WDR36: variants seen among roughly 807,000 people sequenced by gnomAD.
The protein encoded by WDR36 is WD repeat-containing protein 36.
Under a neutral mutation model 112.7 loss-of-function variants are expected in WDR36, and 63 were observed. That is an observed-to-expected ratio of 0.56 (90% CI 0.46 to 0.69). The LOEUF (loss-of-function observed/expected upper bound fraction) is 0.69. WDR36 is among the 30% of genes least tolerant of loss of function. The pLI, the probability that WDR36 is intolerant of heterozygous loss-of-function variation, is 0.00. For missense variants in WDR36, 1,226 were observed against 1,070.3 expected, an observed-to-expected ratio of 1.15 and a Z score of -2.03; for synonymous variants, 410 against 362.2, an observed-to-expected ratio of 1.13 and a Z score of -1.50.
intron 12 of WDR36, 121 bp downstream of exon 12, chr5:111,107,560 T>C (rs1753244450): frequency 6.7e-6 from 9 of 1,346,238 alleles, no homozygotes; most frequent in Non-Finnish European, 9.1e-6. Context: ...TTTTAAAGCA[T>C]TGCATAACCC....
intron 16 of WDR36, among the ~76,000 whole-genome samples, chr5:111,117,426 G>C (rs1753476233): frequency 6.6e-6 from 1 of 152,202 alleles, no homozygotes; most frequent in Admixed American, 6.5e-5. Flanking sequence ...TGCTCACAGT[G>C]TGTGTCCCAT....
At chr5:111,098,669 T>G in intron 3 of WDR36, 53 bp from the exon 4 acceptor site, 1 of 1,143,324 alleles carries the variant, frequency 8.7e-7, no homozygotes, top group Non-Finnish European at 1.3e-6. Flanking sequence ...ATGAATAATA[T>G]GACATGATGA....
chr5:111,114,839 T>C (rs1323512600), intron 16 of WDR36, among the ~76,000 whole-genome samples: 1 of 151,836 alleles, frequency 6.6e-6, no homozygotes, highest in African/African-American at 2.4e-5. Flanking sequence ...CATAGTGCCT[T>C]TTTCATTTTC....
chr5:111,095,321 A>G (rs61278374), intron 2 of WDR36: 11,859 of 202,576 alleles, frequency 0.059, 468 homozygotes, highest in East Asian at 0.17. Context: ...CAGAAGGCAC[A>G]TGCTGTTAGT....
chr5:111,117,144 G>T (rs1170684034), intron 16 of WDR36, among the ~76,000 whole-genome samples: 7 of 152,104 alleles, frequency 4.6e-5, no homozygotes, highest in Non-Finnish European at 1.0e-4. Context: ...AGCCATTCTT[G>T]TGGGCTTTCA....
At chr5:111,098,211 C>T (rs1753035201) in intron 3 of WDR36, among the ~76,000 whole-genome samples, 1 of 152,102 alleles carries the variant, frequency 6.6e-6, no homozygotes, top group South Asian at 2.1e-4. Flanking sequence ...CTAGTGAGAA[C>T]TGAAACCATG....
chr5:111,111,871 G>GTA (rs778536503), intron 15 of WDR36, among the ~76,000 whole-genome samples: 9 of 151,818 alleles, frequency 5.9e-5, no homozygotes, highest in Non-Finnish European at 1.0e-4. Flanking sequence ...CATATTAAGT[G>GTA]TATATTATCA....
chr5:111,103,419 G>A (rs1166667129), intron 6 of WDR36, among the ~76,000 whole-genome samples: 1 of 151,694 alleles, frequency 6.6e-6, no homozygotes, highest in African/African-American at 2.4e-5. Context: ...AAGCCTTTAT[G>A]TTTTCTAGTT....
chr5:111,107,143 CTCT>C, intron 11 of WDR36, 148 bp from the exon 12 acceptor site: 2 of 886,138 alleles, frequency 2.3e-6, no homozygotes, highest in Non-Finnish European at 3.4e-6. Context: ...AAAAAATAAT[CTCT>C]TGTTAGATTG....
chr5:111,098,025 A>T (rs897707216), intron 3 of WDR36, among the ~76,000 whole-genome samples: 2 of 152,252 alleles, frequency 1.3e-5, no homozygotes, highest in African/African-American at 4.8e-5. Context: ...TCCTATATGT[A>T]TAACCTATAT....
At chr5:111,115,456 A>G (rs921666140) in intron 16 of WDR36, among the ~76,000 whole-genome samples, 1 of 152,200 alleles carries the variant, frequency 6.6e-6, no homozygotes, top group South Asian at 2.1e-4. Flanking sequence ...GATTTGCCCA[A>G]GGTGACTTAG....
intron 2 of WDR36, among the ~76,000 whole-genome samples, chr5:111,096,736 T>G (rs1752992457): frequency 6.6e-6 from 1 of 152,014 alleles, no homozygotes; most frequent in African/African-American, 2.4e-5. Flanking sequence ...GATGTTCACG[T>G]GAAGACTGGA....
chr5:111,094,957 G>A lies in WDR36; in HGVS notation c.190+10G>A, dbSNP rs1446992273. On this transcript the variant is annotated intron_variant, in intron 2 of 22. Coordinates refer to ENST00000513710, the MANE Select transcript of WDR36 (RefSeq NM_139281.3). ...AGTCTGGTTGCAGTAAGTAAGTATG[G>A]ACTTTATTCTGAATTTATGCACATC... 6.2e-7 allele frequency: 1 copy of A among 1,605,002 alleles called. No individual in the cohort carries two copies. Among genetic ancestry groups the A allele is most frequent in the Admixed American group, 1.7e-5 (1 of 59,242 alleles).
chr5:111,095,495 C>G (rs1412344853), intron 2 of WDR36, among the ~76,000 whole-genome samples: 2 of 152,198 alleles, frequency 1.3e-5, no homozygotes, highest in African/African-American at 4.8e-5. Flanking sequence ...TATGATGATA[C>G]TTGCCTGAAT....
At chr5:111,105,775 AAAC>A (rs1753211570) in intron 10 of WDR36, among the ~76,000 whole-genome samples, 1 of 151,576 alleles carries the variant, frequency 6.6e-6, no homozygotes, top group Non-Finnish European at 1.5e-5. Context: ...TTTGTTTATT[AAAC>A]AACAAAATCT....
At chr5:111,106,567 T>C (rs1050916866) in intron 11 of WDR36, among the ~76,000 whole-genome samples, 9 of 151,440 alleles carry the variant, frequency 5.9e-5, no homozygotes, top group Non-Finnish European at 1.2e-4. Flanking sequence ...AAGAAAAATA[T>C]AGATAATGGG....
intron 16 of WDR36, among the ~76,000 whole-genome samples, chr5:111,114,935 C>T (rs893787613): frequency 3.3e-5 from 5 of 152,132 alleles, no homozygotes; most frequent in East Asian, 1.9e-4. Context: ...GTGGTAAATT[C>T]GTCTTTGGAA....
intron 12 of WDR36, among the ~76,000 whole-genome samples, chr5:111,107,948 A>T (rs1251596374): frequency 6.6e-6 from 1 of 151,052 alleles, no homozygotes; most frequent in Admixed American, 6.6e-5. Flanking sequence ...TTCTTTTTTC[A>T]AGATTGTTTT....
intron 17 of WDR36, 108 bp from the exon 18 acceptor site, chr5:111,120,388 T>C (rs1306235707): frequency 4.7e-6 from 4 of 856,250 alleles, no homozygotes; most frequent in Non-Finnish European, 7.6e-6. Context: ...ATCTTTGAGG[T>C]ATTTTTTAAC....
Sources: allele counts gnomAD v4.1 joint callset (sites outside exome capture counted in the v4.1 genomes callset), GRCh38; gene constraint gnomAD v4.1.1; transcripts MANE v1.5; gene names NCBI Gene and HGNC (gene_info 2026-07-23, HGNC 2026-07-21).